CNTNAP2: variants seen among roughly 807,000 people sequenced by gnomAD.
CNTNAP2 encodes the protein contactin associated protein 2, also known as contactin-associated protein-like 2.
A neutral mutation model predicts 155.2 loss-of-function variants in CNTNAP2; 98 were observed. That is an observed-to-expected ratio of 0.63 (90% CI 0.54 to 0.75). CNTNAP2 has a LOEUF of 0.75. Ranked by LOEUF, CNTNAP2 falls within the 30% of genes least tolerant of loss-of-function variation. CNTNAP2 has a pLI of 0.00. For missense variants in CNTNAP2, 1,727 were observed against 1,688.1 expected, an observed-to-expected ratio of 1.02 and a Z score of -0.40; for synonymous variants, 651 against 631.2, an observed-to-expected ratio of 1.03 and a Z score of -0.47.
At position 147,811,514 on chromosome 7, in the gene CNTNAP2, T is replaced by G. The variant is rs78872411; in HGVS notation, c.2099-92051T>G. ...GTTCTTGAAAATATAATATTACCGA[T>G]GTTTGGCTCATGAAGACTCCCTAGA... On this transcript the variant is annotated intron_variant, in intron 13 of 23. Coordinates refer to ENST00000361727, the MANE Select transcript of CNTNAP2 (RefSeq NM_014141.6). Among the ~76,000 whole-genome samples the G allele has an allele frequency of 8.4e-3, 1,274 of 152,238 alleles. 19 individuals are homozygous for G. Among genetic ancestry groups the G allele is most frequent in the African/African-American group, 0.029 (1,208 of 41,532 alleles).
intron 1 of CNTNAP2, among the ~76,000 whole-genome samples, chr7:146,525,608 G>A (rs1797679895): frequency 6.6e-6 from 1 of 150,826 alleles, no homozygotes; most frequent in African/African-American, 2.5e-5. Flanking sequence ...TCATCTTGAT[G>A]TATTGATTCA....
intron 21 of CNTNAP2, among the ~76,000 whole-genome samples, chr7:148,308,823 A>G (rs1228717563): frequency 6.7e-6 from 1 of 148,726 alleles, no homozygotes; most frequent in African/African-American, 2.5e-5. Context: ...GAGAACATGC[A>G]GTGTTTGGTT....
At chr7:148,284,023 ATAGC>A (rs1797036439) in intron 21 of CNTNAP2, among the ~76,000 whole-genome samples, 1 of 152,252 alleles carries the variant, frequency 6.6e-6, no homozygotes, top group Admixed American at 6.5e-5. Context: ...TGTATGAAAC[ATAGC>A]TACTGCAAAT....
intron 1 of CNTNAP2, among the ~76,000 whole-genome samples, chr7:146,245,960 A>G (rs1462776589): frequency 1.5e-5 from 2 of 137,482 alleles, no homozygotes; most frequent in Non-Finnish European, 3.0e-5. Flanking sequence ...AGGCAAAACA[A>G]TTTGGTTGAT....
intron 7 of CNTNAP2, among the ~76,000 whole-genome samples, chr7:147,129,516 G>A (rs1427588475): frequency 2.0e-5 from 3 of 152,156 alleles, no homozygotes; most frequent in African/African-American, 7.2e-5. Context: ...ATCCCTAAAA[G>A]ACACTTAGTT....
At chr7:148,140,996 C>T (rs1441146866) in intron 16 of CNTNAP2, among the ~76,000 whole-genome samples, 7 of 152,212 alleles carry the variant, frequency 4.6e-5, no homozygotes, top group African/African-American at 1.7e-4. Context: ...ACCTGAAACT[C>T]CTAATGTTTC....
chr7:146,173,253 A>C (rs1010610558), intron 1 of CNTNAP2, among the ~76,000 whole-genome samples: 1 of 152,080 alleles, frequency 6.6e-6, no homozygotes, highest in East Asian at 1.9e-4. Flanking sequence ...GTAAATTTAC[A>C]TTTTTATCTA....
At chr7:148,319,355 A>G (rs958031442) in intron 21 of CNTNAP2, among the ~76,000 whole-genome samples, 2 of 152,172 alleles carry the variant, frequency 1.3e-5, no homozygotes, top group African/African-American at 4.8e-5. Flanking sequence ...AATTTGAGGG[A>G]AATTTTTATA....
chr7:147,546,202 A>G (rs1202847283), intron 11 of CNTNAP2, among the ~76,000 whole-genome samples: 5 of 152,198 alleles, frequency 3.3e-5, no homozygotes, highest in African/African-American at 1.2e-4. Flanking sequence ...GGCCCTGACA[A>G]GAGCACAGAT....
At chr7:147,403,147 G>T (rs6961003) in intron 10 of CNTNAP2, among the ~76,000 whole-genome samples, 35,444 of 151,986 alleles carry the variant, frequency 0.23, 4,595 homozygotes, top group African/African-American at 0.34. Context: ...TCCTAACCCA[G>T]ACATTCCTTT....
intron 1 of CNTNAP2, among the ~76,000 whole-genome samples, chr7:146,586,535 A>G (rs548135758): frequency 6.6e-6 from 1 of 151,720 alleles, no homozygotes; most frequent in South Asian, 2.1e-4. Flanking sequence ...ATTTACACAC[A>G]CATACACACA....
At chr7:147,573,866 A>G (rs1412327391) in intron 12 of CNTNAP2, among the ~76,000 whole-genome samples, 4 of 152,140 alleles carry the variant, frequency 2.6e-5, no homozygotes, top group East Asian at 3.8e-4. Context: ...TCTAATGTGG[A>G]TATAGCACAT....
intron 13 of CNTNAP2, among the ~76,000 whole-genome samples, chr7:147,720,071 C>T (rs868146232): frequency 3.3e-5 from 5 of 151,996 alleles, no homozygotes; most frequent in African/African-American, 1.2e-4. Flanking sequence ...TTCTTATACT[C>T]AATGACTATT....
intron 20 of CNTNAP2, among the ~76,000 whole-genome samples, chr7:148,252,288 A>G (rs575831171): frequency 5.3e-5 from 8 of 152,178 alleles, no homozygotes; most frequent in Non-Finnish European, 8.8e-5. Context: ...CTCCAGACAC[A>G]CCGACATGTG....
intron 21 of CNTNAP2, among the ~76,000 whole-genome samples, chr7:148,287,430 A>G (rs1348468147): frequency 6.6e-6 from 1 of 152,222 alleles, no homozygotes; most frequent in East Asian, 1.9e-4. Flanking sequence ...GGACTAGGTA[A>G]CATCAGTGGC....
At chr7:146,514,357 G>A (rs1272057855) in intron 1 of CNTNAP2, among the ~76,000 whole-genome samples, 1 of 151,906 alleles carries the variant, frequency 6.6e-6, no homozygotes, top group Non-Finnish European at 1.5e-5. Context: ...GAAGGAAAAT[G>A]ACTCTTACAT....
rs1309286823 is a variant in CNTNAP2 at position 146,367,789 on chromosome 7, G to T, written c.97+250816G>T. Among the ~76,000 whole-genome samples the T allele has an allele frequency of 3.3e-5, 5 of 151,896 alleles. No homozygotes were observed. The East Asian group carries it at 9.7e-4, about 29-fold the overall frequency. On this transcript the variant is annotated intron_variant, in intron 1 of 23. Coordinates refer to ENST00000361727, the MANE Select transcript of CNTNAP2 (RefSeq NM_014141.6). The stretch of plus-strand genomic sequence containing the variant: ...GTACTAATAAAAATTTATATACTAT[G>T]TATATGAATATGCATCTAGATGACT...
intron 5 of CNTNAP2, among the ~76,000 whole-genome samples, chr7:147,115,168 C>A (rs1363386463): frequency 6.6e-6 from 1 of 152,214 alleles, no homozygotes; most frequent in African/African-American, 2.4e-5. Flanking sequence ...AGAGTTTCTG[C>A]TGAGAGGGCT....
At chr7:147,470,317 G>A (rs532964274) in intron 10 of CNTNAP2, among the ~76,000 whole-genome samples, 1 of 150,048 alleles carries the variant, frequency 6.7e-6, no homozygotes, top group Non-Finnish European at 1.5e-5. Flanking sequence ...TCTTGGATTA[G>A]GGTAATAGCA....
Sources: gnomAD v4.1 joint callset for allele counts (sites outside exome capture counted in the v4.1 genomes callset) on GRCh38, gnomAD v4.1.1 for gene constraint, MANE v1.5 for transcripts, NCBI Gene and HGNC (gene_info 2026-07-23, HGNC 2026-07-21) for gene names.